The following NFIA variants were observed in gnomAD, a reference collection of about 807,000 sequenced individuals.
NFIA encodes nuclear factor 1 A-type.
In NFIA, 8 loss-of-function variants were observed where a neutral mutation model predicts 62.8. The ratio of observed to expected loss-of-function variants is 0.13; its 90% confidence interval spans 0.07 to 0.23. The LOEUF (loss-of-function observed/expected upper bound fraction) is 0.23. Ranked by LOEUF, NFIA falls within the 10% of genes least tolerant of loss-of-function variation. NFIA has a pLI of 1.00. For synonymous variants in NFIA, 235 were observed against 238.1 expected (o/e 0.99, Z 0.12); for missense variants, 410 against 642.1 (o/e 0.64, Z 3.91).
intron 3 of NFIA, among the ~76,000 whole-genome samples, chr1:61,308,811 T>C (rs80063601): frequency 0.013 from 1,948 of 152,350 alleles, 39 homozygotes; most frequent in African/African-American, 0.041. Context: ...CTGTTCCTGC[T>C]GTTGTTATTG....
intron 2 of NFIA, among the ~76,000 whole-genome samples, chr1:61,115,957 C>T (rs187957410): frequency 6.6e-6 from 1 of 151,666 alleles, no homozygotes; most frequent in African/African-American, 2.4e-5. Context: ...TTCTTTCACT[C>T]TGCAGCTGGA....
At chr1:61,188,260 G>C (rs1441144323) in intron 2 of NFIA, among the ~76,000 whole-genome samples, 1 of 151,950 alleles carries the variant, frequency 6.6e-6, no homozygotes, top group Non-Finnish European at 1.5e-5. Context: ...TGGCCAGCCT[G>C]GTAGTTTTCT....
chr1:61,388,436 G>A (rs1664808553), intron 7 of NFIA, among the ~76,000 whole-genome samples: 1 of 152,158 alleles, frequency 6.6e-6, no homozygotes, highest in Admixed American at 6.5e-5. Context: ...TTGATGATCT[G>A]AAGGGTCTAA....
At chr1:61,338,802 A>G (rs1408852097) in intron 4 of NFIA, among the ~76,000 whole-genome samples, 6 of 152,228 alleles carry the variant, frequency 3.9e-5, no homozygotes, top group Admixed American at 3.3e-4. Flanking sequence ...AGTACTTTAG[A>G]TCTTAATTAA....
intron 3 of NFIA, among the ~76,000 whole-genome samples, chr1:61,308,340 A>G (rs931108657): frequency 1.3e-5 from 2 of 152,214 alleles, no homozygotes; most frequent in African/African-American, 4.8e-5. Context: ...GTAAATGAGT[A>G]GAAAAAAATC....
intron 10 of NFIA, among the ~76,000 whole-genome samples, chr1:61,447,286 T>C (rs754715748): frequency 4.6e-5 from 7 of 152,372 alleles, no homozygotes; most frequent in Middle Eastern, 3.4e-3. Context: ...CCAGCTTTTT[T>C]ATGGCTAACT....
chr1:61,450,093 T>C (rs927772696), intron 10 of NFIA, among the ~76,000 whole-genome samples: 1 of 152,176 alleles, frequency 6.6e-6, no homozygotes, highest in Non-Finnish European at 1.5e-5. Context: ...GGCTATCTGG[T>C]ATCATGAAGG....
chr1:61,381,953 A>G (rs973276501), intron 6 of NFIA, among the ~76,000 whole-genome samples: 1 of 152,226 alleles, frequency 6.6e-6, no homozygotes. Flanking sequence ...ATGGTACTCC[A>G]TAACAGTTAC....
intron 2 of NFIA, among the ~76,000 whole-genome samples, chr1:61,247,848 G>A (rs1156888951): frequency 1.3e-5 from 2 of 152,184 alleles, no homozygotes; most frequent in Non-Finnish European, 1.5e-5. Flanking sequence ...ACATGATCCT[G>A]AGAACTTTCT....
chr1:61,436,426 G>T (rs975511399), intron 10 of NFIA, among the ~76,000 whole-genome samples: 2 of 152,118 alleles, frequency 1.3e-5, no homozygotes, highest in African/African-American at 2.4e-5. Context: ...CAAGAAATTG[G>T]CCTTACCGAA....
intron 2 of NFIA, among the ~76,000 whole-genome samples, chr1:61,097,064 T>C (rs571319771): frequency 2.2e-4 from 33 of 152,326 alleles, no homozygotes; most frequent in African/African-American, 7.2e-4. Flanking sequence ...TTAAGAAATA[T>C]TAATGAATCT....
chr1:61,184,703 G>A (rs1202215466), intron 2 of NFIA, among the ~76,000 whole-genome samples: 4 of 152,192 alleles, frequency 2.6e-5, no homozygotes, highest in Non-Finnish European at 4.4e-5. Context: ...GATAGGAGCC[G>A]TGCTCCAAGA....
intron 3 of NFIA, among the ~76,000 whole-genome samples, chr1:61,283,826 G>A (rs1254017928): frequency 6.6e-6 from 1 of 151,934 alleles, no homozygotes; most frequent in Non-Finnish European, 1.5e-5. Context: ...TAGTGGGAAG[G>A]CAAAATAAAA....
chr1:61,317,577 G>C (rs1343602195), intron 3 of NFIA, among the ~76,000 whole-genome samples: 2 of 151,870 alleles, frequency 1.3e-5, no homozygotes, highest in Non-Finnish European at 2.9e-5. Flanking sequence ...AAAAATTCTA[G>C]AGAATTTATT....
At chr1:61,188,641 A>T (rs1651380897) in intron 2 of NFIA, among the ~76,000 whole-genome samples, 1 of 152,146 alleles carries the variant, frequency 6.6e-6, no homozygotes, top group African/African-American at 2.4e-5. Context: ...CTTTTAGCTG[A>T]ATTCTGTGAC....
upstream of NFIA, among the ~76,000 whole-genome samples, chr1:61,080,056 G>A (rs1211350733): frequency 6.6e-6 from 1 of 152,136 alleles, no homozygotes; most frequent in Non-Finnish European, 1.5e-5. Context: ...GGCGGAGATA[G>A]GAGAGAAAGC....
At chr1:61,123,776 A>T (rs1646926463) in intron 2 of NFIA, among the ~76,000 whole-genome samples, 1 of 152,204 alleles carries the variant, frequency 6.6e-6, no homozygotes, top group African/African-American at 2.4e-5. Flanking sequence ...TGCATATGAT[A>T]TTTAATCCAT....
chr1:61,238,517 A>T (rs886445397), intron 2 of NFIA, among the ~76,000 whole-genome samples: 2 of 152,270 alleles, frequency 1.3e-5, no homozygotes, highest in African/African-American at 4.8e-5. Flanking sequence ...CTCTGAGGTT[A>T]TGTTGCAAGT....
At chr1:61,265,773 C>T (rs879567225) in intron 2 of NFIA, among the ~76,000 whole-genome samples, 3 of 152,046 alleles carry the variant, frequency 2.0e-5, no homozygotes, top group East Asian at 1.9e-4. Flanking sequence ...CTGGAAGACC[C>T]GATGGGTCAA....
Sources: allele counts gnomAD v4.1 joint callset (sites outside exome capture counted in the v4.1 genomes callset), GRCh38; gene constraint gnomAD v4.1.1; transcripts MANE v1.5; gene names NCBI Gene and HGNC (gene_info 2026-07-23, HGNC 2026-07-21).